The following FAAP20 variants were observed in gnomAD, a reference collection of about 807,000 sequenced individuals.
The protein encoded by FAAP20 is Fanconi anemia core complex-associated protein 20.
Under a neutral mutation model 16.2 loss-of-function variants are expected in FAAP20, and 12 were observed. The observed-to-expected ratio is 0.74, with a 90% CI of 0.48 to 1.20. The LOEUF (loss-of-function observed/expected upper bound fraction) is 1.20, where lower values mean the gene tolerates loss of function less well. Ranked by LOEUF, FAAP20 falls within the 50% of genes most tolerant of loss-of-function variation. The probability of loss-of-function intolerance (pLI) is 0.00; values close to 1 mark genes in which losing one functional copy is unlikely to be tolerated. For synonymous variants in FAAP20, 141 were observed against 110.7 expected, an observed-to-expected ratio of 1.27 and a Z score of -1.72; for missense variants, 288 against 245.8, an observed-to-expected ratio of 1.17 and a Z score of -1.15.
chr1:2,208,185 A>G (rs1475795362), downstream of FAAP20, among the ~76,000 whole-genome samples: 2 of 151,928 alleles, frequency 1.3e-5, no homozygotes, highest in East Asian at 3.9e-4. Flanking sequence ...CACAACGGGC[A>G]CCTGGCCCTA....
intron 3 of FAAP20, chr1:2,191,936 A>G: frequency 1.0e-6 from 1 of 985,492 alleles, no homozygotes; most frequent in Non-Finnish European, 1.2e-6. Context: ...CACAAAGAAC[A>G]TTCTACATAG....
chr1:2,185,147 G>A, downstream of FAAP20: 1 of 831,750 alleles, frequency 1.2e-6, no homozygotes, highest in Non-Finnish European at 2.0e-6. Flanking sequence ...GCAGAGGGAA[G>A]CGTCAGCGGG....
chr1:2,210,537 C>T (rs1040942893), downstream of FAAP20, among the ~76,000 whole-genome samples: 3 of 152,144 alleles, frequency 2.0e-5, no homozygotes, highest in African/African-American at 7.2e-5. Flanking sequence ...GCAATGAGAC[C>T]CCAGCAACCC....
At chr1:2,187,856 C>T (rs1687760101), downstream of FAAP20, among the ~76,000 whole-genome samples, 1 of 152,136 alleles carries the variant, frequency 6.6e-6, no homozygotes, top group African/African-American at 2.4e-5. Flanking sequence ...AGTGTGGATT[C>T]ACCACTGTGG....
chr1:2,198,852 G>A, upstream of FAAP20: 1 of 1,289,794 alleles, frequency 7.8e-7, no homozygotes, highest in Non-Finnish European at 1.0e-6. Flanking sequence ...ATGCCAGGCA[G>A]GCACGCCCAC....
At chr1:2,197,872 G>A (rs1435094524), upstream of FAAP20, 1 of 983,156 alleles carries the variant, frequency 1.0e-6, no homozygotes, top group Non-Finnish European at 1.3e-6. Context: ...GCCTCCACTT[G>A]TCAGGAAGCC....
downstream of FAAP20, among the ~76,000 whole-genome samples, chr1:2,187,928 C>G (rs998367334): frequency 6.6e-6 from 1 of 152,194 alleles, no homozygotes; most frequent in African/African-American, 2.4e-5. Flanking sequence ...CTTCCTAGCC[C>G]CTGCACTCTC....
chr1:2,187,779 C>A (rs542525712), downstream of FAAP20, among the ~76,000 whole-genome samples: 1 of 152,212 alleles, frequency 6.6e-6, no homozygotes, highest in Non-Finnish European at 1.5e-5. Context: ...CGTCGCCCCA[C>A]GCCCAGAGTT....
intron 1 of FAAP20, 62 bp downstream of exon 1, chr1:2,194,626 G>C: frequency 1.0e-6 from 1 of 955,272 alleles, no homozygotes; most frequent in Non-Finnish European, 1.3e-6. Context: ...GCCCGCGGGG[G>C]CGCCGGGAAG....
chr1:2,197,800 G>A (rs967834750), upstream of FAAP20, among the ~76,000 whole-genome samples: 9 of 152,248 alleles, frequency 5.9e-5, no homozygotes, highest in African/African-American at 2.2e-4. Flanking sequence ...GTGACCTACA[G>A]CCAGAGATAA....
At chr1:2,192,336 ATTCC>A in intron 3 of FAAP20, 1 of 991,816 alleles carries the variant, frequency 1.0e-6, no homozygotes, top group Non-Finnish European at 1.2e-6. Context: ...TGCTTGAAGC[ATTCC>A]AGACACACCA....
At chr1:2,198,213 A>G, upstream of FAAP20, 1 of 1,234,764 alleles carries the variant, frequency 8.1e-7, no homozygotes, top group Non-Finnish European at 1.1e-6. Flanking sequence ...CTAAGCCAAA[A>G]TTCATGTTTA....
chr1:2,204,350 C>T (rs1046986459), upstream of FAAP20, among the ~76,000 whole-genome samples: 1 of 152,282 alleles, frequency 6.6e-6, no homozygotes, highest in African/African-American at 2.4e-5. Context: ...GAATCTCCTG[C>T]GCTTCCTCAG....
upstream of FAAP20, chr1:2,200,120 G>A (rs1240772391): frequency 6.6e-5 from 10 of 151,566 alleles, no homozygotes; most frequent in Admixed American, 6.6e-4. Context: ...AATTGGCCAG[G>A]TGCTGTGGCT....
chr1:2,198,911 A>G, upstream of FAAP20: 2 of 1,289,806 alleles, frequency 1.6e-6, no homozygotes, highest in South Asian at 2.5e-5. Context: ...TGCCAGGCAG[A>G]CAGGCTGTGA....
upstream of FAAP20, among the ~76,000 whole-genome samples, chr1:2,197,395 C>A (rs1572126910): frequency 6.6e-6 from 1 of 152,194 alleles, no homozygotes; most frequent in East Asian, 1.9e-4. Flanking sequence ...ACCCGGGACA[C>A]CTGCGCTGCC....
downstream of FAAP20, among the ~76,000 whole-genome samples, chr1:2,187,752 G>C (rs1687750408): frequency 6.6e-6 from 1 of 152,022 alleles, no homozygotes; most frequent in South Asian, 2.1e-4. Context: ...GCTCACAGCT[G>C]CTGGGCCTGC....
chr1:2,187,313 T>C (rs973433886), downstream of FAAP20: 62 of 393,990 alleles, frequency 1.6e-4, no homozygotes, highest in Non-Finnish European at 2.7e-4. Flanking sequence ...CTTTTTTTTT[T>C]CTTTTTTTTG....
chr1:2,185,992 C>CCG, downstream of FAAP20: 1 of 395,886 alleles, frequency 2.5e-6, no homozygotes, highest in Non-Finnish European at 5.1e-6. Flanking sequence ...CCCGCGCTCT[C>CCG]CGTCCACCCA....
Sources: allele counts gnomAD v4.1 joint callset (sites outside exome capture counted in the v4.1 genomes callset), GRCh38; gene constraint gnomAD v4.1.1; transcripts MANE v1.5; gene names NCBI Gene and HGNC (gene_info 2026-07-23, HGNC 2026-07-21).